CNTNAP2: variants seen among roughly 807,000 people sequenced by gnomAD.
The protein encoded by CNTNAP2 is contactin associated protein 2.
CNTNAP2 carries 98 observed loss-of-function variants against 155.2 expected under a neutral mutation model. That is an observed-to-expected ratio of 0.63 (90% CI 0.54 to 0.75). The LOEUF (loss-of-function observed/expected upper bound fraction) is 0.75. Ranked by LOEUF, CNTNAP2 falls within the 30% of genes least tolerant of loss-of-function variation. CNTNAP2 has a pLI of 0.00. For missense variants in CNTNAP2, 1,727 were observed against 1,688.1 expected, an observed-to-expected ratio of 1.02 and a Z score of -0.40; for synonymous variants, 651 against 631.2, an observed-to-expected ratio of 1.03 and a Z score of -0.47.
chr7:147,460,474 G>C (rs1426856730), intron 10 of CNTNAP2, among the ~76,000 whole-genome samples: 1 of 152,086 alleles, frequency 6.6e-6, no homozygotes, highest in Non-Finnish European at 1.5e-5. Context: ...ATCCTGCTTT[G>C]CTTAAACAGC....
chr7:146,957,279 G>A (rs984390385), intron 3 of CNTNAP2, among the ~76,000 whole-genome samples: 4 of 152,096 alleles, frequency 2.6e-5, no homozygotes, highest in African/African-American at 9.7e-5. Context: ...AAAATGTAAT[G>A]CATTGTCCTA....
intron 10 of CNTNAP2, among the ~76,000 whole-genome samples, chr7:147,397,653 G>A (rs1026680238): frequency 2.0e-5 from 3 of 151,948 alleles, no homozygotes; most frequent in Non-Finnish European, 4.4e-5. Flanking sequence ...GAATGAATGG[G>A]ATTTTGGTAA....
At chr7:146,515,057 C>T (rs189386648) in intron 1 of CNTNAP2, among the ~76,000 whole-genome samples, 9 of 152,130 alleles carry the variant, frequency 5.9e-5, no homozygotes, top group Admixed American at 5.3e-4. Context: ...GGGTTCATGC[C>T]AAGAGGATCC....
At chr7:147,022,581 C>CTA (rs1355365439) in intron 3 of CNTNAP2, among the ~76,000 whole-genome samples, 2 of 149,502 alleles carry the variant, frequency 1.3e-5, no homozygotes, top group Admixed American at 1.3e-4. Flanking sequence ...TGTATATGTA[C>CTA]TATATATACA....
intron 1 of CNTNAP2, among the ~76,000 whole-genome samples, chr7:146,710,860 C>G (rs1028779907): frequency 1.6e-4 from 24 of 151,996 alleles, no homozygotes; most frequent in African/African-American, 5.8e-4. Context: ...GTACTCCTCA[C>G]TCATATATAT....
chr7:146,197,210 A>G (rs7794731), intron 1 of CNTNAP2, among the ~76,000 whole-genome samples: 48,947 of 152,044 alleles, frequency 0.32, 9,618 homozygotes, highest in African/African-American at 0.55. Flanking sequence ...AAAAGAATTA[A>G]TGTACGTAAG....
chr7:148,175,943 C>T (rs1193553150), intron 18 of CNTNAP2, among the ~76,000 whole-genome samples: 2 of 152,210 alleles, frequency 1.3e-5, no homozygotes, highest in African/African-American at 2.4e-5. Context: ...CTGTCTCTGT[C>T]TCTGTCTCTC....
chr7:146,701,240 C>G (rs1046682851), intron 1 of CNTNAP2, among the ~76,000 whole-genome samples: 2 of 152,138 alleles, frequency 1.3e-5, no homozygotes, highest in Non-Finnish European at 2.9e-5. Context: ...TAAAATATTT[C>G]TTTTCAGCTT....
chr7:146,964,139 C>T (rs1389357504), intron 3 of CNTNAP2, among the ~76,000 whole-genome samples: 1 of 152,178 alleles, frequency 6.6e-6, no homozygotes, highest in Admixed American at 6.5e-5. Flanking sequence ...AAACTTTCTT[C>T]ATAGCCTTAG....
intron 1 of CNTNAP2, among the ~76,000 whole-genome samples, chr7:146,166,415 A>G (rs1246319822): frequency 6.6e-6 from 1 of 152,046 alleles, no homozygotes; most frequent in Non-Finnish European, 1.5e-5. Context: ...TTTTTAATCA[A>G]TCCATTGCTA....
At chr7:146,588,502 A>G (rs905432026) in intron 1 of CNTNAP2, among the ~76,000 whole-genome samples, 1 of 134,404 alleles carries the variant, frequency 7.4e-6, no homozygotes, top group Non-Finnish European at 1.6e-5. Context: ...GTGTGAAATT[A>G]CAGCTTATTA....
chr7:146,204,050 A>G (rs1026687929), intron 1 of CNTNAP2, among the ~76,000 whole-genome samples: 2 of 152,172 alleles, frequency 1.3e-5, no homozygotes, highest in Admixed American at 6.5e-5. Context: ...TAATATATTC[A>G]TGTTGACTTG....
chr7:147,273,160 T>C (rs902220590), intron 8 of CNTNAP2, among the ~76,000 whole-genome samples: 2 of 152,088 alleles, frequency 1.3e-5, no homozygotes, highest in Non-Finnish European at 2.9e-5. Context: ...CTGAGGACAA[T>C]CTAAACGGGC....
intron 11 of CNTNAP2, among the ~76,000 whole-genome samples, chr7:147,526,336 C>T (rs1799318804): frequency 6.6e-6 from 1 of 151,986 alleles, no homozygotes; most frequent in South Asian, 2.1e-4. Flanking sequence ...CTCTTGTGGA[C>T]TAAGGAGGTA....
At chr7:146,532,052 G>C (rs1797778441) in intron 1 of CNTNAP2, among the ~76,000 whole-genome samples, 1 of 151,422 alleles carries the variant, frequency 6.6e-6, no homozygotes, top group African/African-American at 2.4e-5. Context: ...TGGCGATAAA[G>C]AGCTGGAACT....
At chr7:146,219,145 C>T (rs1799165087) in intron 1 of CNTNAP2, among the ~76,000 whole-genome samples, 1 of 152,098 alleles carries the variant, frequency 6.6e-6, no homozygotes, top group Non-Finnish European at 1.5e-5. Flanking sequence ...ACCATCAGAT[C>T]TCACGAGAAG....
At chr7:147,891,849 T>C (rs1366313645) in intron 13 of CNTNAP2, among the ~76,000 whole-genome samples, 1 of 151,980 alleles carries the variant, frequency 6.6e-6, no homozygotes, top group East Asian at 1.9e-4. Flanking sequence ...ACCAAAAACA[T>C]AATGATAGTA....
chr7:147,963,517 G>A (rs955031216), intron 14 of CNTNAP2, among the ~76,000 whole-genome samples: 4 of 152,230 alleles, frequency 2.6e-5, no homozygotes, highest in South Asian at 2.1e-4. Context: ...AGAAAAGGGC[G>A]CAACATGTAC....
chr7:147,734,975 A>T (rs1796815525), intron 13 of CNTNAP2, among the ~76,000 whole-genome samples: 1 of 114,624 alleles, frequency 8.7e-6, no homozygotes, highest in African/African-American at 3.1e-5. Flanking sequence ...CAGCTCCTGG[A>T]TTCATTGATT....
Sources: allele counts gnomAD v4.1 joint callset (sites outside exome capture counted in the v4.1 genomes callset), GRCh38; gene constraint gnomAD v4.1.1; transcripts MANE v1.5; gene names NCBI Gene and HGNC (gene_info 2026-07-23, HGNC 2026-07-21).